The following KCNIP4 variants were observed in gnomAD, a reference collection of about 807,000 sequenced individuals.
The protein encoded by KCNIP4 is potassium voltage-gated channel interacting protein 4.
Under a neutral mutation model 34.0 loss-of-function variants are expected in KCNIP4, and 12 were observed. That is an observed-to-expected ratio of 0.35 (90% CI 0.23 to 0.57). KCNIP4 has a LOEUF of 0.57. KCNIP4 is among the 20% of genes least tolerant of loss of function. KCNIP4 has a pLI of 0.83. For synonymous variants in KCNIP4, 124 were observed against 102.2 expected (o/e 1.21, Z -1.29); for missense variants, 238 against 311.7 (o/e 0.76, Z 1.78).
chr4:21,395,423 C>T (rs1722903238), intron 1 of KCNIP4, among the ~76,000 whole-genome samples: 1 of 152,094 alleles, frequency 6.6e-6, no homozygotes, highest in Non-Finnish European at 1.5e-5. Flanking sequence ...CTATAGAAGC[C>T]TTTTCTCCCC....
intron 2 of KCNIP4, among the ~76,000 whole-genome samples, chr4:20,861,131 G>A (rs752656066): frequency 2.6e-5 from 4 of 152,100 alleles, no homozygotes; most frequent in South Asian, 4.1e-4. Flanking sequence ...GTGTGGGCAC[G>A]GGGAGCCAGG....
chr4:20,939,059 T>A (rs1228938042), intron 1 of KCNIP4, among the ~76,000 whole-genome samples: 1 of 152,210 alleles, frequency 6.6e-6, no homozygotes, highest in East Asian at 1.9e-4. Flanking sequence ...TTCACATTTT[T>A]TTTTATTGGA....
chr4:21,439,469 C>A (rs1444310461), intron 1 of KCNIP4, among the ~76,000 whole-genome samples: 1 of 152,174 alleles, frequency 6.6e-6, no homozygotes, highest in Admixed American at 6.5e-5. Flanking sequence ...TACAACAAAG[C>A]CCCTTCCCAA....
Position 21,192,961 on chromosome 4 carries a change from A to C in KCNIP4, c.62-310252T>G, listed in dbSNP as rs568576641. Reference sequence around the variant, plus strand: ...ACTACTACTACTACTACTAATAATAATAATAATTAGTTGGGTGTGGTGGCA... The same window carrying C: ...ACTACTACTACTACTACTAATAATACTAATAATTAGTTGGGTGTGGTGGCA... On this transcript the variant is annotated intron_variant, in intron 1 of 8. Coordinates refer to ENST00000382152, the MANE Select transcript of KCNIP4 (RefSeq NM_025221.6). 3.2e-3 allele frequency among the ~76,000 whole-genome samples: 451 copies of C among 141,316 alleles called. 4 individuals are homozygous for C. Among genetic ancestry groups the C allele is most frequent in the East Asian group, 0.025 (123 of 4,986 alleles). 92.7% of individuals were successfully genotyped at this position (141,316 alleles called of 152,430 possible). A position where few individuals can be genotyped will look rare whatever the true frequency, so the allele number is the denominator to read the frequency against.
chr4:21,508,138 C>A (rs1000689954), intron 1 of KCNIP4, among the ~76,000 whole-genome samples: 2 of 152,122 alleles, frequency 1.3e-5, no homozygotes, highest in African/African-American at 4.8e-5. Flanking sequence ...ATTTTGCTTG[C>A]AAAAACTAAC....
intron 1 of KCNIP4, among the ~76,000 whole-genome samples, chr4:21,073,342 C>T (rs1049169028): frequency 6.6e-6 from 1 of 152,114 alleles, no homozygotes. Context: ...TTGTAGTTCT[C>T]CTTGAAGAGG....
intron 1 of KCNIP4, among the ~76,000 whole-genome samples, chr4:21,458,504 C>A (rs1729160158): frequency 6.6e-6 from 1 of 151,946 alleles, no homozygotes; most frequent in Admixed American, 6.6e-5. Flanking sequence ...CAATGTCCCA[C>A]CGAATAGCTC....
intron 1 of KCNIP4, among the ~76,000 whole-genome samples, chr4:21,755,864 A>G (rs1717473117): frequency 6.6e-6 from 1 of 152,224 alleles, no homozygotes; most frequent in Non-Finnish European, 1.5e-5. Flanking sequence ...CAATTTCTAT[A>G]GTTGCTGATA....
At chr4:20,830,927 A>T (rs1718351363) in intron 3 of KCNIP4, among the ~76,000 whole-genome samples, 1 of 152,224 alleles carries the variant, frequency 6.6e-6, no homozygotes, top group Non-Finnish European at 1.5e-5. Context: ...AGAGGCAGAC[A>T]ACAGGATCTA....
chr4:21,250,134 C>G (rs1715304578), intron 1 of KCNIP4, among the ~76,000 whole-genome samples: 1 of 137,402 alleles, frequency 7.3e-6, no homozygotes, highest in Non-Finnish European at 1.5e-5. Context: ...TTTTTTTTCC[C>G]CCAGGAAAAA....
At chr4:21,645,645 C>T (rs1415629616) in intron 1 of KCNIP4, among the ~76,000 whole-genome samples, 1 of 152,108 alleles carries the variant, frequency 6.6e-6, no homozygotes, top group Non-Finnish European at 1.5e-5. Flanking sequence ...CAGTCTAAGA[C>T]CTCATATCTG....
intron 1 of KCNIP4, among the ~76,000 whole-genome samples, chr4:21,062,745 C>A (rs891105784): frequency 3.9e-5 from 6 of 152,074 alleles, no homozygotes; most frequent in African/African-American, 1.4e-4. Context: ...GTGCCAGACC[C>A]AGGAAGAGCT....
intron 1 of KCNIP4, among the ~76,000 whole-genome samples, chr4:21,458,110 A>G (rs978683655): frequency 2.0e-5 from 3 of 149,674 alleles, no homozygotes; most frequent in Non-Finnish European, 4.4e-5. Context: ...GTCATCTAGC[A>G]TTAGGTATAT....
chr4:21,250,556 T>C (rs1488571478), intron 1 of KCNIP4, among the ~76,000 whole-genome samples: 1 of 152,178 alleles, frequency 6.6e-6, no homozygotes, highest in Non-Finnish European at 1.5e-5. Context: ...GACTTCTTTA[T>C]GGTATCAAGA....
chr4:21,153,460 T>C (rs1752904711), intron 1 of KCNIP4, among the ~76,000 whole-genome samples: 1 of 149,470 alleles, frequency 6.7e-6, no homozygotes, highest in Non-Finnish European at 1.5e-5. Context: ...TCTCTCTCTC[T>C]CTCTCTTTAT....
At chr4:21,377,442 T>C (rs1460811516) in intron 1 of KCNIP4, among the ~76,000 whole-genome samples, 1 of 152,200 alleles carries the variant, frequency 6.6e-6, no homozygotes, top group Non-Finnish European at 1.5e-5. Flanking sequence ...ACTCCTTGCT[T>C]TCTAGCTCAT....
chr4:20,773,688 G>C (rs1318174922), intron 3 of KCNIP4, among the ~76,000 whole-genome samples: 1 of 152,100 alleles, frequency 6.6e-6, no homozygotes, highest in African/African-American at 2.4e-5. Context: ...TGCCTGTCTG[G>C]GTAAATTTCT....
At chr4:21,855,231 C>T (rs1286724873) in intron 1 of KCNIP4, among the ~76,000 whole-genome samples, 1 of 152,222 alleles carries the variant, frequency 6.6e-6, no homozygotes, top group Admixed American at 6.5e-5. Context: ...ATTTTTCTAG[C>T]ATGACAGTCT....
intron 1 of KCNIP4, among the ~76,000 whole-genome samples, chr4:21,798,412 T>G (rs1299759993): frequency 7.2e-6 from 1 of 138,070 alleles, no homozygotes; most frequent in African/African-American, 2.8e-5. Context: ...TACATATATA[T>G]ATATATATAT....
Sources: gnomAD v4.1 joint callset for allele counts (sites outside exome capture counted in the v4.1 genomes callset) on GRCh38, gnomAD v4.1.1 for gene constraint, MANE v1.5 for transcripts, NCBI Gene and HGNC (gene_info 2026-07-23, HGNC 2026-07-21) for gene names.